SYCP2L: variants seen among roughly 807,000 people sequenced by gnomAD.
SYCP2L encodes synaptonemal complex protein 2 like.
Under a neutral mutation model 125.8 loss-of-function variants are expected in SYCP2L, and 98 were observed. The observed-to-expected ratio is 0.78, with a 90% CI of 0.66 to 0.92. SYCP2L has a LOEUF of 0.92. SYCP2L is among the 40% of genes least tolerant of loss of function. The pLI, the probability that SYCP2L is intolerant of heterozygous loss-of-function variation, is 0.00. For synonymous variants in SYCP2L, 317 were observed against 325.4 expected (o/e 0.97, Z 0.28); for missense variants, 842 against 936.4 (o/e 0.90, Z 1.32).
At chr6:10,949,466 C>T (rs928635775) in intron 23 of SYCP2L, among the ~76,000 whole-genome samples, 33 of 152,148 alleles carry the variant, frequency 2.2e-4, no homozygotes, top group Non-Finnish European at 1.2e-4. Flanking sequence ...ACAGTCTGTA[C>T]AATATCTTTC....
At chr6:10,921,884 T>G (rs2113340647) in intron 14 of SYCP2L, among the ~76,000 whole-genome samples, 1 of 152,200 alleles carries the variant, frequency 6.6e-6, no homozygotes, top group South Asian at 2.1e-4. Context: ...TTTTTGTATT[T>G]TTTAGTAAAG....
Position 10,946,705 on chromosome 6 carries a change from T to A in SYCP2L, c.1954+3959T>A, listed in dbSNP as rs573230883. Among the ~76,000 whole-genome samples the A allele has an allele frequency of 3.3e-5, 5 of 152,240 alleles. No individual in the cohort carries two copies. In the South Asian group the frequency reaches 1.0e-3, roughly 32 times the overall value. On this transcript the variant is annotated intron_variant, in intron 23 of 29. Coordinates refer to ENST00000283141, the MANE Select transcript of SYCP2L (RefSeq NM_001040274.3). ...GAAAATTTAGCTGTCAATCTACCAG[T>A]CATTCTTCAAAGGTAATTTGTCCTT... is the stretch of plus-strand genomic sequence containing the variant.
intron 20 of SYCP2L, among the ~76,000 whole-genome samples, chr6:10,933,952 T>C (rs1430832303): frequency 1.3e-5 from 2 of 152,240 alleles, no homozygotes; most frequent in Non-Finnish European, 2.9e-5. Context: ...AAAGGAAATA[T>C]AATTGAATCA....
At chr6:10,967,002 A>G (rs1011521741) in intron 29 of SYCP2L, among the ~76,000 whole-genome samples, 6 of 152,198 alleles carry the variant, frequency 3.9e-5, no homozygotes, top group Non-Finnish European at 5.9e-5. Flanking sequence ...GAAATAACCA[A>G]TGTAGAAATA....
At chr6:10,935,516 T>C (rs796634125) in intron 21 of SYCP2L, among the ~76,000 whole-genome samples, 1 of 152,044 alleles carries the variant, frequency 6.6e-6, no homozygotes, top group South Asian at 2.1e-4. Context: ...TTGATCCATA[T>C]GGTTTCTTTT....
intron 6 of SYCP2L, among the ~76,000 whole-genome samples, chr6:10,899,852 T>C (rs1232173174): frequency 6.6e-6 from 1 of 152,240 alleles, no homozygotes; most frequent in East Asian, 1.9e-4. Context: ...AGTCAAAGTT[T>C]TATGATCATC....
intron 1 of SYCP2L, among the ~76,000 whole-genome samples, 174 bp downstream of exon 1, chr6:10,887,309 G>A (rs1780090844): frequency 6.6e-6 from 1 of 152,184 alleles, no homozygotes; most frequent in African/African-American, 2.4e-5. Context: ...GGCAGCCTGC[G>A]GGGAGACCAG....
At chr6:10,958,347 G>A (rs1480523967) in intron 25 of SYCP2L, among the ~76,000 whole-genome samples, 3 of 152,046 alleles carry the variant, frequency 2.0e-5, no homozygotes, top group East Asian at 3.9e-4. Flanking sequence ...GGGAGCAGGC[G>A]TGTCACATAG....
chr6:10,901,125 G>A lies in SYCP2L; in HGVS notation c.467-1552G>A, dbSNP rs111671237. Among the ~76,000 whole-genome samples, 355 of 152,204 alleles carry A rather than the reference G, an allele frequency of 2.3e-3. 2 individuals are homozygous for A. Among genetic ancestry groups the A allele is most frequent in the African/African-American group, 8.1e-3 (335 of 41,524 alleles). On this transcript the variant is annotated intron_variant, in intron 6 of 29. Transcript: ENST00000283141. ...GGATTATGACTTTCTTTCAATCACA[G>A]TTTATCCCTCTCTAGTGATTTGAAT...
Position 10,954,456 on chromosome 6 carries a change from C to T in SYCP2L, c.1955-660C>T, listed in dbSNP as rs916264789. Among the ~76,000 whole-genome samples the T allele has an allele frequency of 4.6e-5, 7 of 152,004 alleles. No homozygotes were observed. The highest frequency in any genetic ancestry group is 1.9e-4 in the East Asian group (1 of 5,182). On this transcript the variant is annotated intron_variant, in intron 23 of 29. Coordinates refer to ENST00000283141, the MANE Select transcript of SYCP2L (RefSeq NM_001040274.3). This position sits in a 1 kb window ranked among gnomAD's most constrained non-coding sequence, Gnocchi z 4.8. Reference sequence around the variant, plus strand: ...CAGAACCTTGAGGATGGAGGAGAAGCGGGCAGCAAAGAAAAGGAGGAGTTG... The same window carrying T: ...CAGAACCTTGAGGATGGAGGAGAAGTGGGCAGCAAAGAAAAGGAGGAGTTG...
chr6:10,964,677 A>C (rs1277696033), intron 29 of SYCP2L, among the ~76,000 whole-genome samples: 2 of 152,162 alleles, frequency 1.3e-5, no homozygotes, highest in East Asian at 1.9e-4. Context: ...TGTTTAATGG[A>C]GGCAACCCAT....
chr6:10,962,948 T>C (rs1245208500), intron 28 of SYCP2L, among the ~76,000 whole-genome samples: 3 of 152,210 alleles, frequency 2.0e-5, no homozygotes, highest in East Asian at 1.9e-4. Context: ...ACAGAACCTT[T>C]GGTTTCTTAG....
At chr6:10,930,662 A>C in intron 19 of SYCP2L, 148 bp downstream of exon 19, 1 of 835,388 alleles carries the variant, frequency 1.2e-6, no homozygotes, top group Non-Finnish European at 1.8e-6. Flanking sequence ...CTGGAAAGGC[A>C]AAATGTACTG....
chr6:10,902,707 T>G lies in SYCP2L; in HGVS notation c.497T>G (p.Leu166Arg), dbSNP rs749956297. The change falls in exon 7 of 30, where the codon CTT (leucine) becomes CGT (arginine). Residue 166 changes from leucine (L) to arginine (R), a missense_variant. Transcript: ENST00000283141. ...GKIQMLDSFL[L>R]SLGFLVTEKT... is the part of the protein sequence containing the mutation. ...ATTCAGATGTTGGATTCCTTCCTAC[T>G]TAGCTTAGGATTCCTGGTGACAGAA... 16 of 1,613,916 alleles carry G rather than the reference T, an allele frequency of 9.9e-6. No homozygotes were observed. Among genetic ancestry groups the G allele is most frequent in the Non-Finnish European group, 1.3e-5 (15 of 1,179,970 alleles).
At chr6:10,907,898 T>TTTTG (rs1204303735) in intron 10 of SYCP2L, among the ~76,000 whole-genome samples, 3 of 128,720 alleles carry the variant, frequency 2.3e-5, no homozygotes, top group Admixed American at 2.3e-4. Flanking sequence ...ATAGGTTTTT[T>TTTTG]TTTTTTTTTT....
rs554188251 is a variant in SYCP2L, at chr6:10,941,634, A to T, written c.1814-825A>T. On this transcript the variant is annotated intron_variant, in intron 21 of 29. Coordinates refer to ENST00000283141, the MANE Select transcript of SYCP2L (RefSeq NM_001040274.3). ...ACACCAGTTAGAATGGCGATCATTA[A>T]AAAGTCAGGAAACAACAGATGCTGG... Among the ~76,000 whole-genome samples, 43 of 152,390 alleles carry T rather than the reference A, an allele frequency of 2.8e-4. No homozygotes were observed. The South Asian group carries it at 8.9e-3, about 32-fold the overall frequency.
rs2113295559 is a variant in SYCP2L at position 10,898,859 on chromosome 6, T to C, written c.466+11T>C. The C allele has an allele frequency of 7.4e-7, 1 of 1,356,110 alleles. No individual in the cohort carries two copies. 84.0% of individuals were successfully genotyped at this position (1,356,110 alleles called of 1,614,324 possible). ...GGAGTAGTAGTGAAGGTAAGTATAT[T>C]ATTGGCTACTAATTGGCTATTAATT... On this transcript the variant is annotated intron_variant, in intron 6 of 29. Coordinates refer to ENST00000283141, the MANE Select transcript of SYCP2L (RefSeq NM_001040274.3).
At chr6:10,919,259 T>A (rs577515128) in intron 14 of SYCP2L, among the ~76,000 whole-genome samples, 1 of 152,216 alleles carries the variant, frequency 6.6e-6, no homozygotes, top group Non-Finnish European at 1.5e-5. Flanking sequence ...TTTTGTCCCA[T>A]GGGGTGTGCC....
rs573644490 is a variant in SYCP2L, at chr6:10,911,284, A to T, written c.918+415A>T. On this transcript the variant is annotated intron_variant, in intron 12 of 29. Coordinates refer to ENST00000283141, the MANE Select transcript of SYCP2L (RefSeq NM_001040274.3). ...GGCCACTGTCCTTTCTCTCTCTCTCATTCTACCTTGCACTTTATAGTCCAA... is the reference window on the plus strand; with the variant it reads ...GGCCACTGTCCTTTCTCTCTCTCTCTTTCTACCTTGCACTTTATAGTCCAA... Among the ~76,000 whole-genome samples, 321 of 151,520 alleles carry T rather than the reference A, an allele frequency of 2.1e-3. 2 individuals carry two copies. The highest frequency in any genetic ancestry group is 7.2e-3 in the African/African-American group (297 of 41,350).
Sources: allele counts gnomAD v4.1 joint callset (sites outside exome capture counted in the v4.1 genomes callset), GRCh38; gene constraint gnomAD v4.1.1; non-coding constraint Gnocchi (gnomAD v3.1); transcripts MANE v1.5; gene names NCBI Gene and HGNC (gene_info 2026-07-23, HGNC 2026-07-21).